Variants in ITPR2 observed in about 807,000 individuals in gnomAD.
ITPR2 encodes inositol 1,4,5-trisphosphate-gated calcium channel ITPR2.
In ITPR2, 207 loss-of-function variants were observed where a neutral mutation model predicts 317.1. The observed-to-expected ratio is 0.65, with a 90% confidence interval of 0.58 to 0.73. The LOEUF (loss-of-function observed/expected upper bound fraction) is 0.73, where lower values mean the gene tolerates loss of function less well. Ranked by LOEUF, ITPR2 falls within the 30% of genes least tolerant of loss-of-function variation. The pLI is 0.00. For missense variants in ITPR2, 2,613 were observed against 3,284.0 expected (o/e 0.80, Z 4.99); for synonymous variants, 1,156 against 1,149.1 (o/e 1.01, Z -0.12).
intron 1 of ITPR2, among the ~76,000 whole-genome samples, chr12:26,813,840 T>C (rs1174116778): frequency 6.6e-6 from 1 of 152,202 alleles, no homozygotes; most frequent in Admixed American, 6.5e-5. Flanking sequence ...ATTAAAGGCT[T>C]CCAATTTTTA....
In ITPR2 at chr12:26,832,821, T is replaced by C; in HGVS notation, c.-40A>G. ...CACAGTGGACGTCCCTCTTCTTCCC[T>C]GCGCCCTCGCCGCCCTCTCTCCAGG... On this transcript the variant is annotated 5_prime_UTR_variant, in exon 1 of 57. Transcript: ENST00000381340. 1 of 1,488,950 alleles carries C rather than the reference T, an allele frequency of 6.7e-7. No individual in the cohort carries two copies. Among genetic ancestry groups the C allele is most frequent in the Non-Finnish European group, 9.3e-7 (1 of 1,075,776 alleles). The allele number at this position is 1,488,950 out of a possible 1,614,324, so 92.2% of individuals were successfully genotyped here.
intron 55 of ITPR2, chr12:26,373,818 T>C (rs1479371348): frequency 6.6e-6 from 1 of 152,212 alleles, no homozygotes; most frequent in Non-Finnish European, 1.5e-5. Context: ...GCTGATTACA[T>C]GTGTGAAAAA....
rs1278960430 is a variant in ITPR2, at chr12:26,572,585, A to C, written c.4630+6128T>G. On this transcript the variant is annotated intron_variant, in intron 34 of 56. Coordinates refer to ENST00000381340, the MANE Select transcript of ITPR2 (RefSeq NM_002223.4). ...TGACTAGGGTATTTAGCTGTTGGCT[A>C]AATTTTCGTGGGGTTGGATCCCACC... is the stretch of plus-strand genomic sequence containing the variant. Among the ~76,000 whole-genome samples the C allele has an allele frequency of 3.9e-5, 6 of 152,350 alleles. No individual in the cohort carries two copies. The South Asian group carries it at 6.2e-4, about 16-fold the overall frequency.
intron 9 of ITPR2, among the ~76,000 whole-genome samples, chr12:26,710,534 T>C (rs925954190): frequency 6.6e-6 from 1 of 152,230 alleles, no homozygotes; most frequent in Non-Finnish European, 1.5e-5. Flanking sequence ...TGGAAAAGAC[T>C]AGCTTCAAAA....
At chr12:26,460,426 G>A (rs1941989539) in intron 45 of ITPR2, among the ~76,000 whole-genome samples, 1 of 152,308 alleles carries the variant, frequency 6.6e-6, no homozygotes, top group South Asian at 2.1e-4. Flanking sequence ...AGTGGCAGAG[G>A]TTAATGTCTT....
At chr12:26,641,441 T>C (rs1288170658) in intron 21 of ITPR2, among the ~76,000 whole-genome samples, 2 of 52,684 alleles carry the variant, frequency 3.8e-5, no homozygotes, top group Non-Finnish European at 6.8e-5. Context: ...ACTGTAAAGC[T>C]GTAGGTTTTT....
At chr12:26,373,562 G>A (rs1160553263) in intron 55 of ITPR2, 1 of 152,094 alleles carries the variant, frequency 6.6e-6, no homozygotes, top group Non-Finnish European at 1.5e-5. Flanking sequence ...TCACACAATG[G>A]CAAAAACACT....
At chr12:26,705,041 G>A (rs3782305) in intron 9 of ITPR2, among the ~76,000 whole-genome samples, 20,079 of 152,186 alleles carry the variant, frequency 0.13, 1,774 homozygotes, top group Non-Finnish European at 0.2. Flanking sequence ...ATATCTAGCC[G>A]CACTGCTAGG....
intron 32 of ITPR2, among the ~76,000 whole-genome samples, chr12:26,584,388 G>T (rs771320955): frequency 2.0e-5 from 3 of 152,178 alleles, no homozygotes; most frequent in Non-Finnish European, 4.4e-5. Flanking sequence ...CACTGGACAT[G>T]CAGCACCTCA....
rs766988073 is a variant in ITPR2 at position 26,657,716 on chromosome 12, G to T, written c.2183C>A (p.Thr728Asn). The T allele has an allele frequency of 1.1e-5, 17 of 1,613,644 alleles. No homozygotes were observed. In the African/African-American group the frequency reaches 1.7e-4, roughly 16 times the overall value. The change falls in exon 18 of 57, where the codon ACC (threonine) becomes AAC (asparagine). Residue 728 changes from threonine (T) to asparagine (N), a missense_variant. Physicochemically the swap from Thr to Asn is moderately conservative, Grantham distance 65. Transcript: ENST00000381340. Reference sequence around the variant, plus strand: ...GTCTATAATACTTAACCTGTAATAGGTAAGAACTTCTAAGTCAGCTTTGGT... The same window carrying T: ...GTCTATAATACTTAACCTGTAATAGTTAAGAACTTCTAAGTCAGCTTTGGT... ...EGTKADLEVL[T>N]YYRYQLNLFA... is the part of the protein sequence containing the mutation.
chr12:26,657,578 G>A lies in ITPR2; in HGVS notation c.2192+129C>T. 4.3e-6 allele frequency: 3 copies of A among 692,556 alleles called. No individual in the cohort carries two copies. The South Asian group carries it at 5.8e-5, about 13-fold the overall frequency. 42.9% of individuals were successfully genotyped at this position (692,556 alleles called of 1,614,324 possible). ...ATTTTAAACAATACTAAATATTTCA[G>A]CTACCCTAGTTCTGACATGACTTTT... On this transcript the variant is annotated intron_variant, in intron 18 of 56. Transcript: ENST00000381340.
chr12:26,802,150 A>G (rs1436588382), intron 1 of ITPR2, among the ~76,000 whole-genome samples: 1 of 152,066 alleles, frequency 6.6e-6, no homozygotes, highest in East Asian at 1.9e-4. Context: ...AAAATTTAAA[A>G]ATTAGCCTGG....
At chr12:26,543,133 AAAACC>A (rs1201852469) in intron 37 of ITPR2, among the ~76,000 whole-genome samples, 3 of 152,292 alleles carry the variant, frequency 2.0e-5, no homozygotes, top group East Asian at 1.9e-4. Context: ...CAAAATCCTT[AAAACC>A]AAACCAAACC....
intron 37 of ITPR2, among the ~76,000 whole-genome samples, chr12:26,510,422 A>G (rs1273500526): frequency 6.6e-6 from 1 of 152,236 alleles, no homozygotes; most frequent in African/African-American, 2.4e-5. Context: ...TAAGAAAAGA[A>G]GATGCTTCCC....
intron 2 of ITPR2, among the ~76,000 whole-genome samples, chr12:26,734,556 T>C (rs1949083994): frequency 6.6e-6 from 1 of 151,884 alleles, no homozygotes. Context: ...TACAGGTAAA[T>C]TAACTTTATA....
intron 49 of ITPR2, 30 bp downstream of exon 49, chr12:26,427,883 T>C: frequency 7.2e-7 from 1 of 1,380,940 alleles, no homozygotes; most frequent in Non-Finnish European, 9.5e-7. Flanking sequence ...ACTAATTCTG[T>C]AACAGTACAA....
At chr12:26,554,630 T>G (rs1052462088) in intron 36 of ITPR2, among the ~76,000 whole-genome samples, 2 of 152,210 alleles carry the variant, frequency 1.3e-5, no homozygotes, top group Non-Finnish European at 2.9e-5. Flanking sequence ...CGTTCCAGGC[T>G]GTCACATCTC....
chr12:26,493,398 T>C (rs1942855333), intron 39 of ITPR2, among the ~76,000 whole-genome samples: 2 of 152,274 alleles, frequency 1.3e-5, no homozygotes, highest in East Asian at 3.9e-4. Context: ...TAGTAGTAAG[T>C]AGACAGTTTT....
At chr12:26,376,608 TC>T (rs2136608729) in intron 55 of ITPR2, among the ~76,000 whole-genome samples, 1 of 152,332 alleles carries the variant, frequency 6.6e-6, no homozygotes, top group South Asian at 2.1e-4. Flanking sequence ...GAGCATGCTT[TC>T]TAAAATGTAA....
Sources: allele counts gnomAD v4.1 joint callset (sites outside exome capture counted in the v4.1 genomes callset), GRCh38; gene constraint gnomAD v4.1.1; transcripts MANE v1.5; gene names NCBI Gene and HGNC (gene_info 2026-07-23, HGNC 2026-07-21).